Variants in STPG1 observed in about 807,000 individuals in gnomAD.
STPG1 encodes sperm tail PG-rich repeat containing 1, also known as O(6)-methylguanine-induced apoptosis 2.
A neutral mutation model predicts 40.1 loss-of-function variants in STPG1; 33 were observed. The ratio of observed to expected loss-of-function variants is 0.82; its 90% CI spans 0.62 to 1.10. STPG1 has a LOEUF of 1.10. Among genes scored for constraint, STPG1 ranks in the 50% least tolerant of loss-of-function variants. The pLI is 0.00. For synonymous variants in STPG1, 150 were observed against 155.0 expected, an observed-to-expected ratio of 0.97 and a Z score of 0.24; for missense variants, 396 against 415.1, an observed-to-expected ratio of 0.95 and a Z score of 0.40.
chr1:24,401,559 G>T (rs1643229364), intron 1 of STPG1, 103 bp from the exon 2 acceptor site: 2 of 638,588 alleles, frequency 3.1e-6, no homozygotes, highest in South Asian at 3.7e-5. Flanking sequence ...AATGGTGTGG[G>T]TGCCGGCTGA....
chr1:24,401,126 C>G (rs1015216728), intron 2 of STPG1, 193 bp downstream of exon 2: 1 of 469,406 alleles, frequency 2.1e-6, no homozygotes, highest in African/African-American at 1.9e-5. Flanking sequence ...TCCTTCTTCT[C>G]TCATCCTTTC....
At chr1:24,386,516 C>T (rs1642511671) in intron 3 of STPG1, among the ~76,000 whole-genome samples, 1 of 152,208 alleles carries the variant, frequency 6.6e-6, no homozygotes, top group South Asian at 2.1e-4. Context: ...ATTTATGTCA[C>T]AAAAACGGGC....
At chr1:24,364,044 C>T in intron 7 of STPG1, 1 of 1,268,418 alleles carries the variant, frequency 7.9e-7, no homozygotes, top group African/African-American at 1.5e-5. Flanking sequence ...TGTCCTGCTG[C>T]TTCCGTTTTA....
intron 7 of STPG1, chr1:24,364,130 A>AG: frequency 2.0e-6 from 3 of 1,469,034 alleles, no homozygotes; most frequent in Non-Finnish European, 2.7e-6. Context: ...TGTGAGAAAC[A>AG]CCAACTTTCC....
At chr1:24,372,206 A>AAAAC in intron 6 of STPG1, among the ~76,000 whole-genome samples, 1 of 152,054 alleles carries the variant, frequency 6.6e-6, no homozygotes, top group East Asian at 1.9e-4. Context: ...CAAAACAAAA[A>AAAAC]CAAAAAAATC....
At chr1:24,410,302 A>G (rs1643566543) in intron 1 of STPG1, among the ~76,000 whole-genome samples, 2 of 152,172 alleles carry the variant, frequency 1.3e-5, no homozygotes, top group African/African-American at 4.8e-5. Flanking sequence ...TAAATTACAA[A>G]AAAACTTTAA....
chr1:24,364,397 A>AT (rs1409161269), intron 7 of STPG1: 1 of 1,517,952 alleles, frequency 6.6e-7, no homozygotes, highest in Non-Finnish European at 8.8e-7. Flanking sequence ...GAGAGGTGGA[A>AT]GGACGACGGC....
intron 2 of STPG1, among the ~76,000 whole-genome samples, chr1:24,392,996 G>C (rs1642844942): frequency 6.6e-6 from 1 of 152,188 alleles, no homozygotes; most frequent in Non-Finnish European, 1.5e-5. Flanking sequence ...TTCAGAGCAG[G>C]AAGCCTGAAG....
intron 2 of STPG1, among the ~76,000 whole-genome samples, chr1:24,398,030 T>A (rs1259583479): frequency 3.9e-5 from 6 of 152,172 alleles, no homozygotes; most frequent in Non-Finnish European, 7.4e-5. Flanking sequence ...ATAGTCGTTG[T>A]ACTTTTGCAC....
chr1:24,400,266 T>C (rs992447567), intron 2 of STPG1, among the ~76,000 whole-genome samples: 2 of 152,244 alleles, frequency 1.3e-5, no homozygotes, highest in African/African-American at 4.8e-5. Flanking sequence ...AGAGCTCATA[T>C]TGTATGATTC....
intron 1 of STPG1, among the ~76,000 whole-genome samples, chr1:24,408,616 G>A (rs1002954392): frequency 3.9e-5 from 6 of 152,204 alleles, no homozygotes; most frequent in Admixed American, 6.5e-5. Context: ...AGGACTCACC[G>A]TGTTTTTCTT....
intron 2 of STPG1, among the ~76,000 whole-genome samples, chr1:24,398,028 T>C (rs143728238): frequency 1.6e-4 from 25 of 152,274 alleles, no homozygotes; most frequent in South Asian, 4.1e-4. Context: ...TCATAGTCGT[T>C]GTACTTTTGC....
intron 3 of STPG1, among the ~76,000 whole-genome samples, chr1:24,389,287 G>A (rs1184629777): frequency 6.6e-6 from 1 of 152,052 alleles, no homozygotes; most frequent in African/African-American, 2.4e-5. Context: ...GCCCATCCAC[G>A]GTAGCTGACA....
intron 5 of STPG1, among the ~76,000 whole-genome samples, chr1:24,375,536 C>T (rs1388313943): frequency 1.3e-5 from 2 of 152,086 alleles, no homozygotes; most frequent in East Asian, 1.9e-4. Context: ...TTACTGGACA[C>T]GGAGAGTTGG....
rs934432327 is a variant in STPG1 at position 24,358,142 on chromosome 1, G to A, written c.*401C>T. ...TAAATGAATGAAGGAATGAAACAGG[G>A]AAGGGTGGGGCTTCCAGGCTTGGCC... On this transcript the variant is annotated 3_prime_UTR_variant, in exon 9 of 9. Coordinates refer to ENST00000337248, the MANE Select transcript of STPG1 (RefSeq NM_001199013.2). 1 of 465,364 alleles carries A rather than the reference G, an allele frequency of 2.1e-6. No individual in the cohort carries two copies. The highest frequency in any genetic ancestry group is 4.3e-6 in the Non-Finnish European group (1 of 234,028). 28.8% of individuals were successfully genotyped at this position (465,364 alleles called of 1,614,324 possible).
intron 3 of STPG1, among the ~76,000 whole-genome samples, chr1:24,387,223 G>A (rs1193851183): frequency 6.6e-6 from 1 of 152,186 alleles, no homozygotes; most frequent in Non-Finnish European, 1.5e-5. Flanking sequence ...GAAGATACAG[G>A]CGCAACCTGT....
At chr1:24,402,213 T>C (rs1643252888) in intron 1 of STPG1, among the ~76,000 whole-genome samples, 1 of 152,208 alleles carries the variant, frequency 6.6e-6, no homozygotes, top group Non-Finnish European at 1.5e-5. Context: ...CTTTCTAGAA[T>C]GTCACAGAAA....
intron 5 of STPG1, among the ~76,000 whole-genome samples, chr1:24,378,325 A>G (rs1642122920): frequency 6.6e-6 from 1 of 152,026 alleles, no homozygotes; most frequent in South Asian, 2.1e-4. Flanking sequence ...TTTTCTTTTT[A>G]GATGTGGCTA....
At chr1:24,378,525 C>T (rs1231701090) in intron 5 of STPG1, among the ~76,000 whole-genome samples, 1 of 152,042 alleles carries the variant, frequency 6.6e-6, no homozygotes, top group Non-Finnish European at 1.5e-5. Context: ...GTCCCAGCAA[C>T]TTGGGAGGCT....
Sources: allele counts gnomAD v4.1 joint callset (sites outside exome capture counted in the v4.1 genomes callset), GRCh38; gene constraint gnomAD v4.1.1; transcripts MANE v1.5; gene names NCBI Gene and HGNC (gene_info 2026-07-23, HGNC 2026-07-21).